Variants in LUZP2 observed in about 807,000 individuals in gnomAD.
LUZP2 encodes leucine zipper protein 2.
LUZP2 carries 52 observed loss-of-function variants against 51.6 expected under a neutral mutation model. The observed-to-expected ratio is 1.01, with a 90% CI of 0.81 to 1.27. The LOEUF (loss-of-function observed/expected upper bound fraction) is 1.27, where lower values mean the gene tolerates loss of function less well. Ranked by LOEUF, LUZP2 falls within the 50% of genes most tolerant of loss-of-function variation. The pLI, the probability that LUZP2 is intolerant of heterozygous loss-of-function variation, is 0.00. For synonymous variants in LUZP2, 154 were observed against 137.3 expected, an observed-to-expected ratio of 1.12 and a Z score of -0.85; for missense variants, 436 against 395.4, an observed-to-expected ratio of 1.10 and a Z score of -0.87.
intron 5 of LUZP2, among the ~76,000 whole-genome samples, chr11:24,800,068 C>G (rs911190142): frequency 1.3e-5 from 2 of 152,098 alleles, no homozygotes; most frequent in African/African-American, 4.8e-5. Flanking sequence ...ATTTCAGCAG[C>G]TCTCTCGGTC....
chr11:24,554,582 C>T (rs973725991), intron 1 of LUZP2, among the ~76,000 whole-genome samples: 4 of 151,806 alleles, frequency 2.6e-5, no homozygotes, highest in Non-Finnish European at 4.4e-5. Flanking sequence ...AGAAAATTCT[C>T]AGCATTTTTG....
At chr11:24,679,662 C>G (rs1362827511) in intron 1 of LUZP2, among the ~76,000 whole-genome samples, 1 of 152,036 alleles carries the variant, frequency 6.6e-6, no homozygotes, top group Non-Finnish European at 1.5e-5. Context: ...TTTCAAGTGA[C>G]ACAATAGTTA....
chr11:25,070,770 GGTGTGTGT>G (rs67504954), intron 10 of LUZP2, among the ~76,000 whole-genome samples: 46,284 of 141,268 alleles, frequency 0.33, 8,643 homozygotes, highest in East Asian at 0.65. Flanking sequence ...GACTGTGTAT[GGTGTGTGT>G]GTGTGTGTGT....
intron 9 of LUZP2, among the ~76,000 whole-genome samples, chr11:25,033,168 G>T (rs1049421751): frequency 6.6e-6 from 1 of 152,178 alleles, no homozygotes; most frequent in East Asian, 1.9e-4. Context: ...GACAAATGGT[G>T]CATGTGTTTT....
At chr11:24,754,180 A>G (rs1242131672) in intron 4 of LUZP2, among the ~76,000 whole-genome samples, 1 of 151,962 alleles carries the variant, frequency 6.6e-6, no homozygotes, top group African/African-American at 2.4e-5. Context: ...AATTTTTTGT[A>G]GAGATGAGGT....
chr11:24,773,818 G>A (rs956092081), intron 5 of LUZP2, among the ~76,000 whole-genome samples: 91 of 152,214 alleles, frequency 6.0e-4, no homozygotes, highest in Middle Eastern at 3.4e-3. Flanking sequence ...TGCCACAAGG[G>A]AAAATCTCTA....
intron 1 of LUZP2, among the ~76,000 whole-genome samples, chr11:24,556,114 A>G (rs557982202): frequency 1.3e-5 from 2 of 152,284 alleles, no homozygotes; most frequent in South Asian, 4.1e-4. Flanking sequence ...CAACTGAAAA[A>G]CACCTGAATT....
intron 1 of LUZP2, among the ~76,000 whole-genome samples, chr11:24,717,822 C>T (rs545142862): frequency 1.3e-5 from 2 of 152,040 alleles, no homozygotes; most frequent in South Asian, 4.2e-4. Flanking sequence ...CATCATTTAC[C>T]TCCTACTTAT....
intron 9 of LUZP2, among the ~76,000 whole-genome samples, chr11:25,003,318 G>A (rs936826312): frequency 1.3e-5 from 2 of 152,208 alleles, no homozygotes; most frequent in South Asian, 2.1e-4. Flanking sequence ...CGTAAGTTGG[G>A]ATGTGTGGTC....
chr11:24,691,627 A>G (rs1857069258), intron 1 of LUZP2, among the ~76,000 whole-genome samples: 1 of 152,024 alleles, frequency 6.6e-6, no homozygotes, highest in Admixed American at 6.6e-5. Flanking sequence ...ATGGAATAAG[A>G]TATTTTTATG....
chr11:25,070,878 C>A lies in LUZP2; in HGVS notation c.859-6451C>A, dbSNP rs571151864. Reference sequence around the variant, plus strand: ...AAGAAAAAACTTTCCTATTGCCCTTCAAACTTTCCTATTGCCCTTCAGTTC... The same window carrying A: ...AAGAAAAAACTTTCCTATTGCCCTTAAAACTTTCCTATTGCCCTTCAGTTC... On this transcript the variant is annotated intron_variant, in intron 10 of 11. Transcript: ENST00000336930. Among the ~76,000 whole-genome samples the A allele has an allele frequency of 5.3e-5, 8 of 151,194 alleles. No individual in the cohort carries two copies. In the East Asian group the frequency reaches 1.6e-3, roughly 29 times the overall value.
intron 5 of LUZP2, among the ~76,000 whole-genome samples, chr11:24,770,683 GA>G (rs1860375427): frequency 6.6e-6 from 1 of 152,070 alleles, no homozygotes; most frequent in Admixed American, 6.5e-5. Flanking sequence ...ACATATCCAG[GA>G]ATATGATGAA....
intron 5 of LUZP2, among the ~76,000 whole-genome samples, chr11:24,777,909 TA>T (rs1291176064): frequency 2.5e-5 from 3 of 121,352 alleles, no homozygotes; most frequent in Non-Finnish European, 5.6e-5. Flanking sequence ...TTCTTAAAGT[TA>T]CAAGAAAAAA....
chr11:25,000,864 C>A (rs1042745225), intron 9 of LUZP2, among the ~76,000 whole-genome samples: 1 of 152,102 alleles, frequency 6.6e-6, no homozygotes, highest in Non-Finnish European at 1.5e-5. Flanking sequence ...TAGTTACTAT[C>A]CTTACTGAAT....
At chr11:25,030,552 A>G (rs1483562316) in intron 9 of LUZP2, among the ~76,000 whole-genome samples, 1 of 151,856 alleles carries the variant, frequency 6.6e-6, no homozygotes, top group Non-Finnish European at 1.5e-5. Flanking sequence ...ATTGTGGATG[A>G]CCACTCTTAT....
intron 5 of LUZP2, among the ~76,000 whole-genome samples, chr11:24,826,062 A>G (rs1456366039): frequency 1.3e-5 from 2 of 150,256 alleles, no homozygotes; most frequent in African/African-American, 4.9e-5. Context: ...AGTCCCAGCT[A>G]CTACTCGGGA....
chr11:24,957,193 T>C (rs539163643), intron 7 of LUZP2, among the ~76,000 whole-genome samples: 1 of 152,162 alleles, frequency 6.6e-6, no homozygotes, highest in African/African-American at 2.4e-5. Flanking sequence ...AGCTGTTATC[T>C]TTCGCTTATT....
At chr11:24,726,338 C>G (rs1858472773) in intron 1 of LUZP2, among the ~76,000 whole-genome samples, 1 of 151,606 alleles carries the variant, frequency 6.6e-6, no homozygotes, top group Non-Finnish European at 1.5e-5. Flanking sequence ...TGAAGAACAC[C>G]AGAAGATACT....
chr11:24,664,116 C>T (rs558152960), intron 1 of LUZP2, among the ~76,000 whole-genome samples: 1 of 152,010 alleles, frequency 6.6e-6, no homozygotes, highest in Non-Finnish European at 1.5e-5. Context: ...ATTGGAAGAG[C>T]TTGGAGAACT....
Sources: gnomAD v4.1 joint callset for allele counts (sites outside exome capture counted in the v4.1 genomes callset) on GRCh38, gnomAD v4.1.1 for gene constraint, MANE v1.5 for transcripts, NCBI Gene and HGNC (gene_info 2026-07-23, HGNC 2026-07-21) for gene names.